Variants in GRID2 observed in about 807,000 individuals in gnomAD.
GRID2 encodes glutamate ionotropic receptor delta type subunit 2.
In GRID2, 33 loss-of-function variants were observed where a neutral mutation model predicts 114.8. The ratio of observed to expected loss-of-function variants is 0.29; its 90% CI spans 0.22 to 0.38. The LOEUF (loss-of-function observed/expected upper bound fraction) is 0.38, where lower values mean the gene tolerates loss of function less well. Among genes scored for constraint, GRID2 ranks in the 10% least tolerant of loss-of-function variants. The probability of loss-of-function intolerance (pLI) is 1.00; values close to 1 mark genes in which losing one functional copy is unlikely to be tolerated. For synonymous variants in GRID2, 505 were observed against 449.9 expected (o/e 1.12, Z -1.55); for missense variants, 1,184 against 1,257.7 (o/e 0.94, Z 0.89).
chr4:92,452,502 G>T (rs1362941566), intron 1 of GRID2, among the ~76,000 whole-genome samples: 2 of 152,032 alleles, frequency 1.3e-5, no homozygotes, highest in African/African-American at 4.8e-5. Context: ...TCTTAGTAGA[G>T]ATGGGGTTTC....
chr4:92,662,884 TTCA>T (rs1732588010), intron 2 of GRID2, among the ~76,000 whole-genome samples: 1 of 151,170 alleles, frequency 6.6e-6, no homozygotes, highest in Admixed American at 6.6e-5. Context: ...AAGTATGTAA[TTCA>T]TCAATATATT....
intron 13 of GRID2, among the ~76,000 whole-genome samples, chr4:93,529,257 G>A (rs1731218084): frequency 6.6e-6 from 1 of 152,126 alleles, no homozygotes; most frequent in African/African-American, 2.4e-5. Context: ...AAATTAATGA[G>A]CAATACAGAT....
chr4:92,696,427 A>T (rs1237846513), intron 2 of GRID2, among the ~76,000 whole-genome samples: 2 of 152,114 alleles, frequency 1.3e-5, no homozygotes, highest in African/African-American at 4.8e-5. Flanking sequence ...CTTGCTCCCA[A>T]ATATTTCTAT....
intron 2 of GRID2, among the ~76,000 whole-genome samples, chr4:92,617,672 AT>A (rs1023982744): frequency 5.3e-5 from 8 of 151,060 alleles, no homozygotes; most frequent in African/African-American, 1.9e-4. Context: ...AGCATTTTTT[AT>A]TTTTTGTTAT....
intron 14 of GRID2, among the ~76,000 whole-genome samples, chr4:93,760,738 T>C (rs1733136238): frequency 1.3e-5 from 2 of 152,214 alleles, no homozygotes; most frequent in African/African-American, 4.8e-5. Context: ...AAAAACCATT[T>C]TCATATCTTT....
chr4:93,409,908 A>G (rs115353598), intron 9 of GRID2, among the ~76,000 whole-genome samples: 1,889 of 152,314 alleles, frequency 0.012, 44 homozygotes, highest in African/African-American at 0.043. Context: ...TTACTTCTGA[A>G]AACAGATTTA....
intron 2 of GRID2, among the ~76,000 whole-genome samples, chr4:92,594,024 T>C (rs1456712896): frequency 6.6e-6 from 1 of 151,724 alleles, no homozygotes; most frequent in Non-Finnish European, 1.5e-5. Flanking sequence ...ACAATTTAGA[T>C]GAAATAATTG....
intron 2 of GRID2, among the ~76,000 whole-genome samples, chr4:92,635,956 G>T (rs1560502514): frequency 6.6e-6 from 1 of 151,988 alleles, no homozygotes; most frequent in Non-Finnish European, 1.5e-5. Flanking sequence ...AAAAAAATGG[G>T]TTGATAAGAA....
At chr4:92,448,134 T>TGTAG (rs1491499014) in intron 1 of GRID2, among the ~76,000 whole-genome samples, 69 of 61,770 alleles carry the variant, frequency 1.1e-3, no homozygotes, top group African/African-American at 3.8e-3. Context: ...TTTTATTTTA[T>TGTAG]GTATGTATGT....
intron 2 of GRID2, among the ~76,000 whole-genome samples, chr4:92,735,435 C>T (rs1736545950): frequency 1.3e-5 from 2 of 152,082 alleles, no homozygotes; most frequent in Non-Finnish European, 2.9e-5. Context: ...CTCAAAGTAT[C>T]TTATTGTCCT....
intron 2 of GRID2, among the ~76,000 whole-genome samples, chr4:92,654,685 T>G (rs1050832120): frequency 6.6e-6 from 1 of 151,990 alleles, no homozygotes; most frequent in African/African-American, 2.4e-5. Flanking sequence ...TTTTTTCATA[T>G]CTCTGTTGGC....
intron 8 of GRID2, among the ~76,000 whole-genome samples, chr4:93,395,317 A>G (rs533339745): frequency 6.6e-6 from 1 of 152,132 alleles, no homozygotes; most frequent in East Asian, 1.9e-4. Flanking sequence ...TCCAATTAGT[A>G]CATTACTGGG....
At chr4:92,832,687 C>G (rs542071103) in intron 2 of GRID2, among the ~76,000 whole-genome samples, 1 of 152,068 alleles carries the variant, frequency 6.6e-6, no homozygotes, top group Non-Finnish European at 1.5e-5. Context: ...AAGCACCACA[C>G]CTGGCCAGAG....
intron 2 of GRID2, among the ~76,000 whole-genome samples, chr4:92,665,088 AT>A (rs1398526731): frequency 2.0e-5 from 3 of 150,100 alleles, no homozygotes; most frequent in Non-Finnish European, 4.5e-5. Flanking sequence ...TGCAAGCATT[AT>A]AAATTTTTTG....
At chr4:93,321,089 G>T (rs1019531933) in intron 8 of GRID2, among the ~76,000 whole-genome samples, 5 of 151,936 alleles carry the variant, frequency 3.3e-5, no homozygotes, top group Admixed American at 1.3e-4. Flanking sequence ...ATCTATAATT[G>T]AAGGTAAACT....
At chr4:93,076,234 A>C (rs1258183673) in intron 2 of GRID2, among the ~76,000 whole-genome samples, 1 of 152,002 alleles carries the variant, frequency 6.6e-6, no homozygotes, top group African/African-American at 2.4e-5. Flanking sequence ...AAGGTAATTA[A>C]AATAGCATGG....
chr4:92,903,163 A>T (rs1353563769), intron 2 of GRID2, among the ~76,000 whole-genome samples: 3 of 151,634 alleles, frequency 2.0e-5, no homozygotes, highest in African/African-American at 2.4e-5. Context: ...CATTTTAACG[A>T]TACTGATTCT....
At chr4:93,612,096 G>C (rs575764430) in intron 13 of GRID2, among the ~76,000 whole-genome samples, 1 of 152,150 alleles carries the variant, frequency 6.6e-6, no homozygotes, top group African/African-American at 2.4e-5. Flanking sequence ...GATCTTTGTT[G>C]GTTTAAAGTC....
rs750972778 is a variant in GRID2, at chr4:92,648,543, G to T, written c.244+58257G>T. ...ATGCTGGGGGTTGAAAGAAACAGCC[G>T]TTTCTCCCTTCACTGAAGTTACATT... On this transcript the variant is annotated intron_variant, in intron 2 of 15. Coordinates refer to ENST00000282020, the MANE Select transcript of GRID2 (RefSeq NM_001510.4). Among the ~76,000 whole-genome samples the T allele has an allele frequency of 1.7e-4, 25 of 149,390 alleles. 1 individual carries two copies. Among genetic ancestry groups the T allele is most frequent in the Non-Finnish European group, 3.1e-4 (21 of 67,528 alleles).
Sources: allele counts gnomAD v4.1 joint callset (sites outside exome capture counted in the v4.1 genomes callset), GRCh38; gene constraint gnomAD v4.1.1; transcripts MANE v1.5; gene names NCBI Gene and HGNC (gene_info 2026-07-23, HGNC 2026-07-21).